Variants in LRRC4C observed in about 807,000 individuals in gnomAD.
LRRC4C encodes the protein leucine-rich repeat-containing protein 4C.
LRRC4C carries 5 observed loss-of-function variants against 33.6 expected under a neutral mutation model. The observed-to-expected ratio is 0.15, with a 90% CI of 0.08 to 0.31. The LOEUF (loss-of-function observed/expected upper bound fraction) is 0.31. Among genes scored for constraint, LRRC4C ranks in the 10% least tolerant of loss-of-function variants. LRRC4C has a pLI of 1.00. For missense variants in LRRC4C, 560 were observed against 796.7 expected (o/e 0.70, Z 3.58); for synonymous variants, 329 against 302.0 (o/e 1.09, Z -0.93).
chr11:41,258,625 T>C (rs936823275), intron 1 of LRRC4C, among the ~76,000 whole-genome samples: 1 of 151,800 alleles, frequency 6.6e-6, no homozygotes, highest in Non-Finnish European at 1.5e-5. Flanking sequence ...AGAACAAGAG[T>C]ATGTTTATAT....
At chr11:40,451,887 C>T (rs1951903888) in intron 3 of LRRC4C, among the ~76,000 whole-genome samples, 1 of 152,134 alleles carries the variant, frequency 6.6e-6, no homozygotes, top group Non-Finnish European at 1.5e-5. Flanking sequence ...ATGATTTCTG[C>T]ATTTGCAACT....
chr11:40,598,019 G>T (rs1183035429), intron 3 of LRRC4C, among the ~76,000 whole-genome samples: 1 of 152,156 alleles, frequency 6.6e-6, no homozygotes, highest in Non-Finnish European at 1.5e-5. Context: ...GGTTCAGAGT[G>T]CAATCTATTA....
intron 4 of LRRC4C, among the ~76,000 whole-genome samples, chr11:40,280,805 A>G (rs879031427): frequency 8.5e-5 from 13 of 152,288 alleles, no homozygotes; most frequent in Admixed American, 8.5e-4. Flanking sequence ...CCTACCAACA[A>G]GGGAAAGCCC....
chr11:40,294,695 C>T (rs1040602262), intron 4 of LRRC4C, among the ~76,000 whole-genome samples: 1 of 150,164 alleles, frequency 6.7e-6, no homozygotes, highest in African/African-American at 2.4e-5. Context: ...GGAGCGATGG[C>T]GCGCGTCTGT....
chr11:40,687,987 A>G (rs1565636405), intron 2 of LRRC4C, among the ~76,000 whole-genome samples: 1 of 120,380 alleles, frequency 8.3e-6, no homozygotes, highest in Non-Finnish European at 2.0e-5. Context: ...TGCTTTACAG[A>G]CTTTTTTTTT....
Position 41,140,363 on chromosome 11 carries a change from C to T in LRRC4C, c.-495-206640G>A, listed in dbSNP as rs574710693. ...TGCTTCCTTATGACAAGGTCAGGCA[C>T]GGACCCTTGGGATTCCCATGTTTTG... On this transcript the variant is annotated intron_variant, in intron 1 of 6. Coordinates refer to ENST00000528697, the MANE Select transcript of LRRC4C (RefSeq NM_001258419.2). Among the ~76,000 whole-genome samples, 7 of 129,096 alleles carry T rather than the reference C, an allele frequency of 5.4e-5. No homozygotes were observed. The East Asian group carries it at 1.3e-3, about 23-fold the overall frequency. 84.7% of individuals were successfully genotyped at this position (129,096 alleles called of 152,430 possible). A position where few individuals can be genotyped will look rare whatever the true frequency, so the allele number is the denominator to read the frequency against.
chr11:40,757,323 T>C (rs2137038170), intron 2 of LRRC4C, among the ~76,000 whole-genome samples: 1 of 152,182 alleles, frequency 6.6e-6, no homozygotes, highest in South Asian at 2.1e-4. Context: ...AGATGGCCTA[T>C]GTTATATTAT....
At chr11:40,253,359 C>A (rs1866938713) in intron 4 of LRRC4C, among the ~76,000 whole-genome samples, 1 of 152,084 alleles carries the variant, frequency 6.6e-6, no homozygotes, top group East Asian at 1.9e-4. Context: ...GTGTTGTGGG[C>A]CAACTGCTAA....
At chr11:40,871,851 T>C (rs1954666126) in intron 2 of LRRC4C, among the ~76,000 whole-genome samples, 1 of 152,152 alleles carries the variant, frequency 6.6e-6, no homozygotes. Context: ...TACACACTCA[T>C]TGCACCTTCC....
intron 2 of LRRC4C, among the ~76,000 whole-genome samples, chr11:40,781,836 G>A (rs1419231401): frequency 6.6e-6 from 1 of 152,154 alleles, no homozygotes; most frequent in Non-Finnish European, 1.5e-5. Flanking sequence ...AAAATGCAGA[G>A]TAAATAAAGT....
At chr11:41,458,222 G>A (rs1011820464) in intron 1 of LRRC4C, among the ~76,000 whole-genome samples, 14 of 152,010 alleles carry the variant, frequency 9.2e-5, no homozygotes, top group African/African-American at 3.4e-4. Context: ...TTCCATGAAC[G>A]TGTCCACAGT....
At chr11:40,925,042 A>G (rs1957357204) in intron 2 of LRRC4C, among the ~76,000 whole-genome samples, 1 of 152,116 alleles carries the variant, frequency 6.6e-6, no homozygotes, top group African/African-American at 2.4e-5. Context: ...TGTTTCTTCC[A>G]GGGAGAGAGC....
chr11:40,709,277 T>C (rs779404306), intron 2 of LRRC4C, among the ~76,000 whole-genome samples: 1 of 152,190 alleles, frequency 6.6e-6, no homozygotes, highest in Non-Finnish European at 1.5e-5. Flanking sequence ...TGCCTGTTAG[T>C]TGATGCAGTT....
At chr11:41,402,956 A>G (rs1200506725) in intron 1 of LRRC4C, among the ~76,000 whole-genome samples, 1 of 152,118 alleles carries the variant, frequency 6.6e-6, no homozygotes, top group African/African-American at 2.4e-5. Context: ...AAGCTAATAC[A>G]TGTTCACGCC....
intron 3 of LRRC4C, among the ~76,000 whole-genome samples, chr11:40,368,758 T>C (rs540683900): frequency 1.3e-5 from 2 of 152,278 alleles, no homozygotes; most frequent in African/African-American, 4.8e-5. Flanking sequence ...AGTCCACCTT[T>C]AGTAGTGCTG....
intron 5 of LRRC4C, among the ~76,000 whole-genome samples, chr11:40,183,534 C>T (rs16934421): frequency 0.068 from 10,290 of 152,166 alleles, 712 homozygotes; most frequent in African/African-American, 0.18. Context: ...ACCACTGTTC[C>T]GGTGTGTTCT....
chr11:41,172,043 C>T (rs960387639), intron 1 of LRRC4C, among the ~76,000 whole-genome samples: 1 of 151,984 alleles, frequency 6.6e-6, no homozygotes, highest in Non-Finnish European at 1.5e-5. Flanking sequence ...AAATGATGAT[C>T]CAGCAACAGA....
chr11:41,317,994 C>T (rs1950845652), intron 1 of LRRC4C, among the ~76,000 whole-genome samples: 1 of 151,966 alleles, frequency 6.6e-6, no homozygotes, highest in Non-Finnish European at 1.5e-5. Context: ...AATAAGGAAG[C>T]AGTTCAGTGA....
intron 1 of LRRC4C, among the ~76,000 whole-genome samples, chr11:41,054,055 A>G (rs975766351): frequency 6.6e-6 from 1 of 152,194 alleles, no homozygotes; most frequent in Admixed American, 6.5e-5. Context: ...GTCATCAAAC[A>G]AAAACATGTG....
Sources: gnomAD v4.1 joint callset for allele counts (sites outside exome capture counted in the v4.1 genomes callset) on GRCh38, gnomAD v4.1.1 for gene constraint, MANE v1.5 for transcripts, NCBI Gene and HGNC (gene_info 2026-07-23, HGNC 2026-07-21) for gene names.